The following SLC8A1 variants were observed in gnomAD, a reference collection of about 807,000 sequenced individuals.
The protein encoded by SLC8A1 is sodium/calcium exchanger 1.
Under a neutral mutation model 68.3 loss-of-function variants are expected in SLC8A1, and 18 were observed. The observed-to-expected ratio is 0.26, with a 90% CI of 0.18 to 0.39. The LOEUF is 0.39. Ranked by LOEUF, SLC8A1 falls within the 10% of genes least tolerant of loss-of-function variation. The pLI is 1.00. For missense variants in SLC8A1, 985 were observed against 1,156.7 expected (o/e 0.85, Z 2.15); for synonymous variants, 475 against 415.5 (o/e 1.14, Z -1.74).
At chr2:40,331,785 G>C (rs1361745248) in intron 2 of SLC8A1, among the ~76,000 whole-genome samples, 1 of 151,848 alleles carries the variant, frequency 6.6e-6, no homozygotes, top group South Asian at 2.1e-4. Context: ...GTAGAGACAG[G>C]GTTTTGCCAG....
At chr2:40,145,003 C>T (rs893527619) in intron 6 of SLC8A1, among the ~76,000 whole-genome samples, 2 of 152,096 alleles carry the variant, frequency 1.3e-5, no homozygotes, top group African/African-American at 4.8e-5. Flanking sequence ...GTGGCCCATT[C>T]GATCTCTAAA....
chr2:40,263,746 C>T (rs1183326951), intron 2 of SLC8A1, among the ~76,000 whole-genome samples: 1 of 152,082 alleles, frequency 6.6e-6, no homozygotes, highest in Non-Finnish European at 1.5e-5. Context: ...CATAAAAACC[C>T]TAGGAGAAAA....
At chr2:40,377,062 T>C (rs1449977451) in intron 2 of SLC8A1, among the ~76,000 whole-genome samples, 1 of 152,070 alleles carries the variant, frequency 6.6e-6, no homozygotes, top group African/African-American at 2.4e-5. Context: ...CTATTTTGTA[T>C]GGCAAAAGTG....
intron 2 of SLC8A1, among the ~76,000 whole-genome samples, chr2:40,246,302 T>C (rs923458108): frequency 6.6e-6 from 1 of 152,222 alleles, no homozygotes; most frequent in African/African-American, 2.4e-5. Flanking sequence ...ATACGCAAAC[T>C]GTGGTCCTGA....
rs375073331 is a variant in SLC8A1, at chr2:40,358,276, C to CAAA, written c.1808+70194_1808+70196dup. Among the ~76,000 whole-genome samples, 595 of 135,340 alleles carry CAAA rather than the reference C, an allele frequency of 4.4e-3. 5 individuals are homozygous for CAAA. Among genetic ancestry groups the CAAA allele is most frequent in the African/African-American group, 0.015 (568 of 39,166 alleles). The allele number at this position is 135,340 out of a possible 152,430, so 88.8% of individuals were successfully genotyped here. A position where few individuals can be genotyped will look rare whatever the true frequency, so the allele number is the denominator to read the frequency against. ...AAATTAAAATCTGGGCAGATTAAGA[C>CAAA]AAAAAAAAAAAAGACCCACCACATT... On this transcript the variant is annotated intron_variant, in intron 2 of 7. Transcript: ENST00000406785.
intron 1 of SLC8A1, among the ~76,000 whole-genome samples, chr2:40,444,191 T>A (rs1343238263): frequency 6.6e-6 from 1 of 151,912 alleles, no homozygotes; most frequent in African/African-American, 2.4e-5. Context: ...ATTAAAAAAT[T>A]AGCCAGGCAC....
At chr2:40,417,344 A>G (rs529306211) in intron 2 of SLC8A1, among the ~76,000 whole-genome samples, 3 of 152,172 alleles carry the variant, frequency 2.0e-5, no homozygotes, top group African/African-American at 7.2e-5. Flanking sequence ...CAACTTTGGG[A>G]AGGTTGGCCC....
chr2:40,272,202 G>C (rs1327640822), intron 2 of SLC8A1, among the ~76,000 whole-genome samples: 7 of 152,114 alleles, frequency 4.6e-5, no homozygotes, highest in African/African-American at 1.4e-4. Context: ...TCCATCTCAT[G>C]TCTCTCCTTT....
chr2:40,248,352 G>A (rs375004255), intron 2 of SLC8A1, among the ~76,000 whole-genome samples: 1 of 152,106 alleles, frequency 6.6e-6, no homozygotes, highest in Non-Finnish European at 1.5e-5. Flanking sequence ...GGTACCTTTG[G>A]GAAGTGATTA....
intron 2 of SLC8A1, among the ~76,000 whole-genome samples, chr2:40,369,292 T>C (rs546141577): frequency 6.6e-6 from 1 of 152,090 alleles, no homozygotes; most frequent in East Asian, 1.9e-4. Flanking sequence ...TATTATTGCA[T>C]TTCTTACCAC....
intron 2 of SLC8A1, among the ~76,000 whole-genome samples, chr2:40,389,499 T>C (rs561944853): frequency 6.6e-6 from 1 of 152,216 alleles, no homozygotes; most frequent in Admixed American, 6.5e-5. Context: ...ATAAAATTGC[T>C]ACACTGAGAC....
intron 2 of SLC8A1, among the ~76,000 whole-genome samples, chr2:40,376,159 T>C (rs1325626521): frequency 1.3e-5 from 2 of 152,168 alleles, no homozygotes; most frequent in Admixed American, 6.6e-5. Flanking sequence ...TAAGTTTCAC[T>C]GATTGCAATA....
At chr2:40,289,648 G>A (rs1331797889) in intron 2 of SLC8A1, among the ~76,000 whole-genome samples, 1 of 151,782 alleles carries the variant, frequency 6.6e-6, no homozygotes, top group African/African-American at 2.4e-5. Flanking sequence ...GTCAGGAGTT[G>A]GAGACCAGCC....
At chr2:40,206,312 C>T (rs1296527630) in intron 2 of SLC8A1, among the ~76,000 whole-genome samples, 1 of 151,974 alleles carries the variant, frequency 6.6e-6, no homozygotes, top group Non-Finnish European at 1.5e-5. Flanking sequence ...GATGTCACTT[C>T]ATCATCTTGG....
At chr2:40,260,711 T>G (rs1431541856) in intron 2 of SLC8A1, among the ~76,000 whole-genome samples, 1 of 151,438 alleles carries the variant, frequency 6.6e-6, no homozygotes, top group African/African-American at 2.4e-5. Flanking sequence ...TATTGACCTT[T>G]CCTTTCAAAG....
At chr2:40,260,367 G>A (rs768750723) in intron 2 of SLC8A1, among the ~76,000 whole-genome samples, 3 of 152,128 alleles carry the variant, frequency 2.0e-5, no homozygotes, top group Non-Finnish European at 2.9e-5. Flanking sequence ...GTCTCAACTT[G>A]GAATATAAAT....
intron 2 of SLC8A1, among the ~76,000 whole-genome samples, chr2:40,287,690 G>T (rs2068574498): frequency 6.6e-6 from 1 of 151,550 alleles, no homozygotes; most frequent in Admixed American, 6.6e-5. Flanking sequence ...GAAGGCTGGA[G>T]TGAGGAACAG....
At chr2:40,232,658 GT>G (rs1009010399) in intron 2 of SLC8A1, among the ~76,000 whole-genome samples, 1 of 136,404 alleles carries the variant, frequency 7.3e-6, no homozygotes, top group Admixed American at 7.6e-5. Context: ...GTGCAGGTTA[GT>G]TACATACGTA....
chr2:40,227,241 A>C (rs2059096546), intron 2 of SLC8A1, among the ~76,000 whole-genome samples: 1 of 124,310 alleles, frequency 8.0e-6, no homozygotes, highest in Non-Finnish European at 1.8e-5. Flanking sequence ...AATTATTTCC[A>C]ACCTGAAAAC....
Sources: allele counts gnomAD v4.1 joint callset (sites outside exome capture counted in the v4.1 genomes callset), GRCh38; gene constraint gnomAD v4.1.1; transcripts MANE v1.5; gene names NCBI Gene and HGNC (gene_info 2026-07-23, HGNC 2026-07-21).